NRXN1: variants seen among roughly 807,000 people sequenced by gnomAD.
NRXN1 encodes the protein neurexin-1.
In NRXN1, 39 loss-of-function variants were observed where a neutral mutation model predicts 150.9. The ratio of observed to expected loss-of-function variants is 0.26; its 90% CI spans 0.20 to 0.34. NRXN1 has a LOEUF of 0.34. Ranked by LOEUF, NRXN1 falls within the 10% of genes least tolerant of loss-of-function variation. The probability of loss-of-function intolerance (pLI) is 1.00; values close to 1 mark genes in which losing one functional copy is unlikely to be tolerated. For missense variants in NRXN1, 1,815 were observed against 1,949.9 expected (o/e 0.93, Z 1.30); for synonymous variants, 924 against 757.0 (o/e 1.22, Z -3.62).
chr2:50,107,566 A>T (rs1217164416), intron 18 of NRXN1, among the ~76,000 whole-genome samples: 1 of 141,668 alleles, frequency 7.1e-6, no homozygotes, highest in Non-Finnish European at 1.5e-5. Context: ...AAGTACTACA[A>T]TAGAAATGTG....
At chr2:50,059,706 G>C (rs185518441) in intron 19 of NRXN1, among the ~76,000 whole-genome samples, 83 of 152,266 alleles carry the variant, frequency 5.5e-4, no homozygotes, top group Admixed American at 5.0e-3. Context: ...GCAGTCTCAG[G>C]ACTCAGGTGT....
chr2:49,973,660 T>A (rs1235903795), intron 21 of NRXN1: 3 of 368,736 alleles, frequency 8.1e-6, no homozygotes, highest in African/African-American at 6.3e-5. Flanking sequence ...TTGGTTGTTT[T>A]TGCCACAAGC....
intron 15 of NRXN1, among the ~76,000 whole-genome samples, chr2:50,490,433 T>C (rs1198441714): frequency 6.6e-6 from 1 of 152,140 alleles, no homozygotes; most frequent in Non-Finnish European, 1.5e-5. Flanking sequence ...TGTGTAATTG[T>C]GTAATTGGAC....
intron 8 of NRXN1, among the ~76,000 whole-genome samples, chr2:50,601,716 A>C (rs1195253743): frequency 6.6e-6 from 1 of 152,194 alleles, no homozygotes; most frequent in Non-Finnish European, 1.5e-5. Flanking sequence ...AGTTGACCTG[A>C]AGGATTTAAA....
intron 21 of NRXN1, among the ~76,000 whole-genome samples, chr2:50,007,544 C>T (rs181044140): frequency 6.6e-6 from 1 of 152,244 alleles, no homozygotes; most frequent in Non-Finnish European, 1.5e-5. Flanking sequence ...ATCCATGTCC[C>T]TGCAAAGAAC....
At chr2:50,172,274 T>C (rs1445073730) in intron 18 of NRXN1, among the ~76,000 whole-genome samples, 1 of 152,140 alleles carries the variant, frequency 6.6e-6, no homozygotes, top group East Asian at 1.9e-4. Flanking sequence ...CTGTACCCTA[T>C]TTTTTAGCAC....
intron 2 of NRXN1, chr2:50,963,933 C>T (rs1440622159): frequency 4.8e-6 from 2 of 415,492 alleles, no homozygotes; most frequent in African/African-American, 2.1e-5. Flanking sequence ...CACTAGGCAT[C>T]AGTCCAGTTT....
At position 50,682,139 on chromosome 2, in the gene NRXN1, A is replaced by G. The variant is rs557295916; in HGVS notation, c.833-58524T>C. Among the ~76,000 whole-genome samples the G allele has an allele frequency of 3.9e-5, 6 of 152,284 alleles. No homozygotes were observed. The East Asian group carries it at 9.7e-4, about 25-fold the overall frequency. On this transcript the variant is annotated intron_variant, in intron 5 of 22. Coordinates refer to ENST00000401669, the MANE Select transcript of NRXN1 (RefSeq NM_001330078.2). ...CTACAAAGAGCATAGATTAGAATTC[A>G]CACCTGGATTAATTAATTTTCATCT...
chr2:50,807,700 A>G (rs1442561832), intron 5 of NRXN1, among the ~76,000 whole-genome samples: 1 of 152,114 alleles, frequency 6.6e-6, no homozygotes, highest in Admixed American at 6.6e-5. Flanking sequence ...CCTAACAATG[A>G]TTCTGCTTAT....
intron 21 of NRXN1, among the ~76,000 whole-genome samples, chr2:49,956,036 T>G (rs1222490329): frequency 6.6e-6 from 1 of 152,140 alleles, no homozygotes; most frequent in Non-Finnish European, 1.5e-5. Context: ...ATCTATCATT[T>G]TATGCATTAA....
chr2:50,143,189 A>G (rs1707517317), intron 18 of NRXN1, among the ~76,000 whole-genome samples: 1 of 151,786 alleles, frequency 6.6e-6, no homozygotes, highest in African/African-American at 2.4e-5. Flanking sequence ...AAAGAAAAAT[A>G]AAAGAGAATG....
At chr2:51,016,587 TA>T (rs1343545127) in intron 2 of NRXN1, among the ~76,000 whole-genome samples, 1 of 152,130 alleles carries the variant, frequency 6.6e-6, no homozygotes, top group Non-Finnish European at 1.5e-5. Flanking sequence ...TGACGATCAT[TA>T]AAAAGTCAGG....
chr2:50,279,171 C>A (rs1293425659), intron 17 of NRXN1, among the ~76,000 whole-genome samples: 2 of 152,102 alleles, frequency 1.3e-5, no homozygotes, highest in Admixed American at 1.3e-4. Flanking sequence ...CTACTTGTAC[C>A]TTTTCCACCA....
At chr2:50,154,101 C>G (rs1446238582) in intron 18 of NRXN1, among the ~76,000 whole-genome samples, 1 of 151,772 alleles carries the variant, frequency 6.6e-6, no homozygotes, top group Non-Finnish European at 1.5e-5. Flanking sequence ...CAGATTGTAT[C>G]AGTGCAATTA....
At chr2:50,970,746 G>A (rs1694869371) in intron 2 of NRXN1, among the ~76,000 whole-genome samples, 1 of 151,734 alleles carries the variant, frequency 6.6e-6, no homozygotes, top group Non-Finnish European at 1.5e-5. Flanking sequence ...AAAATACGTT[G>A]TGGGACTCTA....
intron 5 of NRXN1, among the ~76,000 whole-genome samples, chr2:50,828,216 C>T (rs144370921): frequency 0.073 from 10,903 of 148,354 alleles, 520 homozygotes; most frequent in Non-Finnish European, 0.1. Flanking sequence ...CCGGACGGGG[C>T]GGCCGGGCAG....
At chr2:49,969,044 C>T (rs1457084900) in intron 21 of NRXN1, among the ~76,000 whole-genome samples, 1 of 152,088 alleles carries the variant, frequency 6.6e-6, no homozygotes. Flanking sequence ...TAATTTTCAA[C>T]ATTCTGGAAA....
At chr2:50,912,361 T>C (rs1363753320) in intron 5 of NRXN1, 2 of 151,988 alleles carry the variant, frequency 1.3e-5, no homozygotes, top group Admixed American at 6.6e-5. Flanking sequence ...GGAAGCTCTA[T>C]ACATAGAGGG....
chr2:50,701,001 G>C (rs575124563), intron 5 of NRXN1, among the ~76,000 whole-genome samples: 1 of 151,976 alleles, frequency 6.6e-6, no homozygotes, highest in Non-Finnish European at 1.5e-5. Context: ...TAAATTGTCC[G>C]AAGGGTGCTT....
Sources: gnomAD v4.1 joint callset for allele counts (sites outside exome capture counted in the v4.1 genomes callset) on GRCh38, gnomAD v4.1.1 for gene constraint, MANE v1.5 for transcripts, NCBI Gene and HGNC (gene_info 2026-07-23, HGNC 2026-07-21) for gene names.